SIK3: variants seen among roughly 807,000 people sequenced by gnomAD.
SIK3 encodes the protein serine/threonine-protein kinase SIK3.
In SIK3, 28 loss-of-function variants were observed where a neutral mutation model predicts 144.2. That is an observed-to-expected ratio of 0.19 (90% CI 0.14 to 0.27). The LOEUF is 0.27. Ranked by LOEUF, SIK3 falls within the 10% of genes least tolerant of loss-of-function variation. The pLI is 1.00. For missense variants in SIK3, 1,319 were observed against 1,776.0 expected, an observed-to-expected ratio of 0.74 and a Z score of 4.62; for synonymous variants, 686 against 676.3, an observed-to-expected ratio of 1.01 and a Z score of -0.22.
At chr11:116,946,704 G>C (rs1948608417) in intron 3 of SIK3, among the ~76,000 whole-genome samples, 1 of 152,170 alleles carries the variant, frequency 6.6e-6, no homozygotes, top group Non-Finnish European at 1.5e-5. Context: ...CAACAACCTT[G>C]CTTCCTGTAC....
At chr11:117,042,543 G>A (rs1419510574) in intron 1 of SIK3, among the ~76,000 whole-genome samples, 1 of 152,184 alleles carries the variant, frequency 6.6e-6, no homozygotes, top group Admixed American at 6.5e-5. Flanking sequence ...TAAAAACAAT[G>A]AGGATAAACT....
intron 21 of SIK3, among the ~76,000 whole-genome samples, chr11:116,851,592 A>G (rs1942447038): frequency 6.6e-6 from 1 of 152,230 alleles, no homozygotes; most frequent in Non-Finnish European, 1.5e-5. Flanking sequence ...GCTACCAAAG[A>G]TGATGGCAAG....
At chr11:116,988,604 G>C (rs191685274) in intron 1 of SIK3, among the ~76,000 whole-genome samples, 1 of 151,888 alleles carries the variant, frequency 6.6e-6, no homozygotes, top group Non-Finnish European at 1.5e-5. Context: ...AACACAGCAA[G>C]ACCCCATCTC....
chr11:117,016,381 AG>A (rs1951531209), intron 1 of SIK3, among the ~76,000 whole-genome samples: 1 of 89,326 alleles, frequency 1.1e-5, no homozygotes, highest in East Asian at 3.6e-4. Flanking sequence ...AGAGGGAGGG[AG>A]AGAGGGAGGG....
At chr11:117,024,430 A>G (rs1951926116) in intron 1 of SIK3, among the ~76,000 whole-genome samples, 1 of 152,122 alleles carries the variant, frequency 6.6e-6, no homozygotes, top group Admixed American at 6.5e-5. Context: ...AAAAATAGCC[A>G]CCTTAGCAAA....
chr11:117,020,501 G>A (rs1199753796), intron 1 of SIK3, among the ~76,000 whole-genome samples: 1 of 151,968 alleles, frequency 6.6e-6, no homozygotes, highest in Non-Finnish European at 1.5e-5. Flanking sequence ...ATTGCCAGGG[G>A]AATCAACCCT....
At chr11:117,091,504 C>T (rs916643649) in intron 1 of SIK3, among the ~76,000 whole-genome samples, 2 of 152,136 alleles carry the variant, frequency 1.3e-5, no homozygotes, top group Non-Finnish European at 2.9e-5. Context: ...CCATGCCAGG[C>T]AAAACCTGAG....
At chr11:116,957,214 C>T (rs1591424964) in intron 1 of SIK3, 150 bp from the exon 2 acceptor site, 2 of 507,790 alleles carry the variant, frequency 3.9e-6, no homozygotes, top group African/African-American at 3.9e-5. Flanking sequence ...TTAATTTACT[C>T]TTTTTAAAAA....
chr11:116,924,528 T>C (rs760020453), intron 4 of SIK3, among the ~76,000 whole-genome samples: 23 of 152,294 alleles, frequency 1.5e-4, no homozygotes, highest in Middle Eastern at 3.4e-3. Flanking sequence ...AACAACATTC[T>C]CTTCATTAAG....
Position 116,958,373 on chromosome 11 carries a change from G to A in SIK3, c.274-1309C>T, listed in dbSNP as rs529713830. Among the ~76,000 whole-genome samples the A allele has an allele frequency of 7.9e-5, 12 of 152,312 alleles. No individual in the cohort carries two copies. The South Asian group carries it at 2.3e-3, about 29-fold the overall frequency. On this transcript the variant is annotated intron_variant, in intron 1 of 24. Transcript: ENST00000445177. ...GAGGACCCACGGGAGAAAGGCACAGGGAGATAAATTTCAGCTGTACTCAAA... is the reference window on the plus strand; with the variant it reads ...GAGGACCCACGGGAGAAAGGCACAGAGAGATAAATTTCAGCTGTACTCAAA...
At chr11:116,875,682 C>T (rs1309451348) in intron 9 of SIK3, among the ~76,000 whole-genome samples, 184 bp downstream of exon 9, 1 of 152,116 alleles carries the variant, frequency 6.6e-6, no homozygotes, top group Non-Finnish European at 1.5e-5. Context: ...TTGCTCATCC[C>T]TCCTCTCCAT....
chr11:116,991,095 G>T (rs986631085), intron 1 of SIK3, among the ~76,000 whole-genome samples: 7 of 152,206 alleles, frequency 4.6e-5, no homozygotes, highest in Non-Finnish European at 5.9e-5. Flanking sequence ...GTCAGAGAGA[G>T]AGCTGGTTAG....
chr11:116,998,276 C>A (rs1235433729), intron 1 of SIK3, among the ~76,000 whole-genome samples: 1 of 151,830 alleles, frequency 6.6e-6, no homozygotes, highest in Non-Finnish European at 1.5e-5. Context: ...TTGAAACCAG[C>A]CTGACTAACA....
At chr11:116,949,588 T>C (rs1253788059) in intron 3 of SIK3, among the ~76,000 whole-genome samples, 1 of 152,190 alleles carries the variant, frequency 6.6e-6, no homozygotes, top group East Asian at 1.9e-4. Flanking sequence ...GCTCGAGCCA[T>C]CCTCCTGCCT....
chr11:116,882,988 G>A (rs1372748596), intron 6 of SIK3, among the ~76,000 whole-genome samples: 8 of 152,210 alleles, frequency 5.3e-5, no homozygotes, highest in Admixed American at 5.2e-4. Context: ...CCTTTTAAAA[G>A]TTAAATGACA....
chr11:117,098,373 C>G lies in SIK3; in HGVS notation c.43G>C (p.Ala15Pro). Residue 15 changes from alanine (A) to proline (P), a missense_variant, in exon 1 of 25, where the codon GCC (alanine) becomes CCC (proline). By Grantham distance (27) the Ala-to-Pro change is conservative. This residue lies in a region of SIK3 where 114 missense variants were observed against 116.2 expected (regional missense o/e 0.98). Coordinates refer to ENST00000445177, the MANE Select transcript of SIK3 (RefSeq NM_001366686.3). ...AASGAGGAAGAGTGGAGPAGR... is the reference protein window; with the variant it reads ...AASGAGGAAGPGTGGAGPAGR... ...GCGGGCCCGGCTCCCCCAGTCCCGGCCCCGGCAGCCCCGCCAGCTCCGCTC... is the reference window on the plus strand; with the variant it reads ...GCGGGCCCGGCTCCCCCAGTCCCGGGCCCGGCAGCCCCGCCAGCTCCGCTC... 5.1e-5 allele frequency: 60 copies of G among 1,171,362 alleles called. No individual in the cohort carries two copies. The highest frequency in any genetic ancestry group is 6.3e-5 in the Non-Finnish European group (60 of 950,474). The allele number at this position is 1,171,362 out of a possible 1,614,324, so 72.6% of individuals were successfully genotyped here. A position where few individuals can be genotyped will look rare whatever the true frequency, so the allele number is the denominator to read the frequency against.
chr11:117,060,692 T>C (rs376854349), intron 1 of SIK3, among the ~76,000 whole-genome samples: 4 of 152,240 alleles, frequency 2.6e-5, no homozygotes, highest in Middle Eastern at 3.4e-3. Context: ...GTGAAATTAT[T>C]CTGTATGATA....
At chr11:117,032,546 C>T (rs940596594) in intron 1 of SIK3, among the ~76,000 whole-genome samples, 3 of 152,088 alleles carry the variant, frequency 2.0e-5, no homozygotes, top group African/African-American at 7.2e-5. Flanking sequence ...GTTGCCCAGG[C>T]TCCTGGCTAG....
chr11:117,062,612 T>C (rs1953845024), intron 1 of SIK3, among the ~76,000 whole-genome samples: 1 of 152,188 alleles, frequency 6.6e-6, no homozygotes, highest in East Asian at 1.9e-4. Context: ...TTCACTTTAG[T>C]TTCAATTCTG....
Sources: allele counts gnomAD v4.1 joint callset (sites outside exome capture counted in the v4.1 genomes callset), GRCh38; gene constraint gnomAD v4.1.1; regional missense constraint gnomAD v4.1.1; transcripts MANE v1.5; gene names NCBI Gene and HGNC (gene_info 2026-07-23, HGNC 2026-07-21).